Variants in MPDZ observed in about 807,000 individuals in gnomAD.
MPDZ encodes multiple PDZ domain crumbs cell polarity complex component.
MPDZ carries 234 observed loss-of-function variants against 239.1 expected under a neutral mutation model. The observed-to-expected ratio is 0.98, with a 90% CI of 0.88 to 1.09. The LOEUF (loss-of-function observed/expected upper bound fraction) is 1.09, where lower values mean the gene tolerates loss of function less well. Ranked by LOEUF, MPDZ falls within the 50% of genes least tolerant of loss-of-function variation. MPDZ has a pLI of 0.00. For synonymous variants in MPDZ, 1,048 were observed against 881.3 expected, an observed-to-expected ratio of 1.19 and a Z score of -3.35; for missense variants, 3,175 against 2,510.0, an observed-to-expected ratio of 1.26 and a Z score of -5.66.
intron 21 of MPDZ, 87 bp downstream of exon 21, chr9:13,175,665 C>A (rs886575161): frequency 6.7e-6 from 9 of 1,339,480 alleles, no homozygotes; most frequent in Middle Eastern, 2.2e-4. Flanking sequence ...TTATCTACAG[C>A]ATAAAAAATT....
intron 19 of MPDZ, among the ~76,000 whole-genome samples, chr9:13,180,085 G>A (rs1368943188): frequency 6.6e-6 from 1 of 151,950 alleles, no homozygotes. Context: ...TTGTCACTAA[G>A]ACTCTCACAG....
intron 1 of MPDZ, among the ~76,000 whole-genome samples, chr9:13,266,485 T>C (rs1350473453): frequency 1.3e-5 from 2 of 152,318 alleles, no homozygotes; most frequent in East Asian, 1.9e-4. Flanking sequence ...ATACTTTTGG[T>C]GGAGTATTTA....
At chr9:13,152,979 C>G (rs1204026562) in intron 24 of MPDZ, among the ~76,000 whole-genome samples, 1 of 152,082 alleles carries the variant, frequency 6.6e-6, no homozygotes, top group Non-Finnish European at 1.5e-5. Flanking sequence ...CGAAACAGAA[C>G]TTTAAGGAGA....
intron 1 of MPDZ, among the ~76,000 whole-genome samples, chr9:13,264,481 G>A (rs900875829): frequency 1.3e-5 from 2 of 152,114 alleles, no homozygotes; most frequent in Non-Finnish European, 2.9e-5. Flanking sequence ...GCTCACTGAG[G>A]TTTGATTACA....
At chr9:13,235,204 G>C (rs1588010907) in intron 3 of MPDZ, among the ~76,000 whole-genome samples, 1 of 152,178 alleles carries the variant, frequency 6.6e-6, no homozygotes, top group East Asian at 1.9e-4. Flanking sequence ...AAATTGAACT[G>C]CATGTTCAAA....
At chr9:13,253,926 C>G (rs1316455352) in intron 1 of MPDZ, among the ~76,000 whole-genome samples, 1 of 152,136 alleles carries the variant, frequency 6.6e-6, no homozygotes, top group Non-Finnish European at 1.5e-5. Flanking sequence ...CACTTTATAA[C>G]AAGGAAAATG....
chr9:13,278,660 A>G (rs528616339), intron 1 of MPDZ, among the ~76,000 whole-genome samples: 1 of 152,208 alleles, frequency 6.6e-6, no homozygotes, highest in East Asian at 1.9e-4. Context: ...GCGGGGGGTG[A>G]GGAGACTAAG....
At chr9:13,271,704 C>T (rs938390405) in intron 1 of MPDZ, among the ~76,000 whole-genome samples, 11 of 152,142 alleles carry the variant, frequency 7.2e-5, no homozygotes, top group African/African-American at 1.9e-4. Flanking sequence ...TCCTCCCTCA[C>T]AAAACCAAGA....
intron 25 of MPDZ, 66 bp from the exon 26 acceptor site, chr9:13,147,724 T>C (rs7024892): frequency 0.35 from 437,082 of 1,242,426 alleles, 86,760 homozygotes; most frequent in African/African-American, 0.77. Context: ...TGTGTGGATA[T>C]GGAGTTTTAG....
At chr9:13,199,567 G>A (rs911538800) in intron 12 of MPDZ, among the ~76,000 whole-genome samples, 1 of 151,858 alleles carries the variant, frequency 6.6e-6, no homozygotes, top group East Asian at 1.9e-4. Flanking sequence ...AGTAAGCATC[G>A]TTGTCTTGTT....
At chr9:13,247,856 C>G in intron 2 of MPDZ, 55 bp from the exon 3 acceptor site, 1 of 1,450,476 alleles carries the variant, frequency 6.9e-7, no homozygotes, top group Non-Finnish European at 9.4e-7. Context: ...ACATGTCCAG[C>G]CTAAGAGGAC....
chr9:13,137,789 A>T (rs993641821), intron 29 of MPDZ, among the ~76,000 whole-genome samples, 168 bp downstream of exon 29: 1 of 152,208 alleles, frequency 6.6e-6, no homozygotes, highest in Non-Finnish European at 1.5e-5. Context: ...CATGGACTCT[A>T]CTTGGTAGAA....
chr9:13,114,064 C>A lies in MPDZ; in HGVS notation c.5467-43G>T, dbSNP rs778078744. On this transcript the variant is annotated intron_variant, in intron 40 of 46. Coordinates refer to ENST00000319217, the MANE Select transcript of MPDZ (RefSeq NM_001378778.1). ...TTATTTCAGAAGGTTTTGCAAGTAA[C>A]ATACTCCCTAAATACCACTTATTTC... is the stretch of plus-strand genomic sequence containing the variant. The A allele has an allele frequency of 2.1e-6, 3 of 1,417,940 alleles. No homozygotes were observed. In the East Asian group the frequency reaches 7.3e-5, roughly 35 times the overall value. The allele number at this position is 1,417,940 out of a possible 1,614,324, so 87.8% of individuals were successfully genotyped here. A position where few individuals can be genotyped will look rare whatever the true frequency, so the allele number is the denominator to read the frequency against.
rs1944628451 is a variant in MPDZ at position 13,123,221 on chromosome 9, T to C, written c.4885A>G (p.Thr1629Ala). ...TCPIIPGCET[T>A]IEISKGRTGL... The stretch of plus-strand genomic sequence containing the variant: ...GTTCGCCCTTTGGAAATCTCGATGG[T>C]TGTTTCGCAGCCAGGGATAATGGGG... The change falls in exon 36 of 47, where the codon ACC becomes GCC. Residue 1629 changes from threonine to alanine, a missense_variant. By Grantham distance (58) the Thr-to-Ala change is moderately conservative (BLOSUM62 0). Coordinates refer to ENST00000319217, the MANE Select transcript of MPDZ (RefSeq NM_001378778.1). 6.2e-7 allele frequency: 1 copy of C among 1,613,578 alleles called. No individual in the cohort carries two copies. The highest frequency in any genetic ancestry group is 8.5e-7 in the Non-Finnish European group (1 of 1,179,820).
chr9:13,163,912 T>C (rs1950753269), intron 22 of MPDZ, among the ~76,000 whole-genome samples: 1 of 152,216 alleles, frequency 6.6e-6, no homozygotes, highest in African/African-American at 2.4e-5. Flanking sequence ...ACTCTTTCAC[T>C]TCAAAGTGCG....
Position 13,168,354 on chromosome 9 carries a change from A to T in MPDZ, c.3254+12T>A, listed in dbSNP as rs778325488. The T allele has an allele frequency of 3.7e-6, 6 of 1,608,128 alleles. No individual in the cohort carries two copies. The highest frequency in any genetic ancestry group is 1.7e-5 in the Admixed American group (1 of 59,066). ...ATTTCCCAAGTTAAACTGGGCTTCA[A>T]ATGATACTTACTTTATGTCAGGGCC... On this transcript the variant is annotated intron_variant, in intron 22 of 46. Coordinates refer to ENST00000319217, the MANE Select transcript of MPDZ (RefSeq NM_001378778.1).
At chr9:13,213,694 GA>G (rs1189637393) in intron 10 of MPDZ, among the ~76,000 whole-genome samples, 2 of 152,132 alleles carry the variant, frequency 1.3e-5, no homozygotes, top group South Asian at 4.2e-4. Flanking sequence ...TGATTTTATT[GA>G]AAGCAAGAAA....
chr9:13,250,231 A>G (rs374925740), intron 2 of MPDZ, 69 bp downstream of exon 2: 12 of 1,451,806 alleles, frequency 8.3e-6, no homozygotes, highest in Admixed American at 7.7e-5. Flanking sequence ...TAAACACAAC[A>G]TATGTCAAAA....
intron 3 of MPDZ, among the ~76,000 whole-genome samples, chr9:13,230,921 CA>C (rs1259332705): frequency 2.6e-5 from 4 of 151,842 alleles, no homozygotes; most frequent in Non-Finnish European, 5.9e-5. Context: ...AAAGGAAAGA[CA>C]AAATGTCAAT....
Sources: gnomAD v4.1 joint callset for allele counts (sites outside exome capture counted in the v4.1 genomes callset) on GRCh38, gnomAD v4.1.1 for gene constraint, MANE v1.5 for transcripts, NCBI Gene and HGNC (gene_info 2026-07-23, HGNC 2026-07-21) for gene names.